The following MGMT variants were observed in gnomAD, a reference collection of about 807,000 sequenced individuals.
MGMT encodes the protein O-6-methylguanine-DNA methyltransferase, also known as methylated-DNA--protein-cysteine methyltransferase.
Under a neutral mutation model 15.9 loss-of-function variants are expected in MGMT, and 14 were observed. The ratio of observed to expected loss-of-function variants is 0.88; its 90% CI spans 0.58 to 1.37. MGMT has a LOEUF of 1.37. Among genes scored for constraint, MGMT ranks in the 40% most tolerant of loss-of-function variants. The pLI is 0.00. For missense variants in MGMT, 282 were observed against 268.1 expected, an observed-to-expected ratio of 1.05 and a Z score of -0.36; for synonymous variants, 130 against 118.2, an observed-to-expected ratio of 1.10 and a Z score of -0.65.
At chr10:129,608,304 G>C (rs532685818) in intron 2 of MGMT, among the ~76,000 whole-genome samples, 1 of 152,378 alleles carries the variant, frequency 6.6e-6, no homozygotes, top group East Asian at 1.9e-4. Flanking sequence ...AGAGGGGTCT[G>C]CTGAAGTTAG....
chr10:129,764,019 G>A (rs995344921), intron 4 of MGMT, among the ~76,000 whole-genome samples: 6 of 152,172 alleles, frequency 3.9e-5, no homozygotes, highest in Non-Finnish European at 8.8e-5. Flanking sequence ...GTGATGTGCC[G>A]GAAGCCAGAG....
At chr10:129,730,088 A>G (rs982060401) in intron 3 of MGMT, among the ~76,000 whole-genome samples, 1 of 152,170 alleles carries the variant, frequency 6.6e-6, no homozygotes, top group Non-Finnish European at 1.5e-5. Flanking sequence ...TCCCTTCTGA[A>G]CACCAGCAAG....
chr10:129,666,691 A>G (rs1434488864), intron 2 of MGMT, among the ~76,000 whole-genome samples: 1 of 152,172 alleles, frequency 6.6e-6, no homozygotes, highest in African/African-American at 2.4e-5. Context: ...AAATAATGAT[A>G]ATTTTGTTTA....
At chr10:129,744,980 T>C (rs1848677444) in intron 3 of MGMT, among the ~76,000 whole-genome samples, 1 of 151,942 alleles carries the variant, frequency 6.6e-6, no homozygotes, top group Non-Finnish European at 1.5e-5. Flanking sequence ...CAGTGCTGAG[T>C]GTTGGGATAG....
rs777351338 is a variant in MGMT, at chr10:129,566,533, G to A, written c.125+30156G>A. ...ACTTCCTCCCCGAGCTTCCCATTCCGTGTCTCTCTGGAGGGCCCATCATCA... is the reference window on the plus strand; with the variant it reads ...ACTTCCTCCCCGAGCTTCCCATTCCATGTCTCTCTGGAGGGCCCATCATCA... On this transcript the variant is annotated intron_variant, in intron 2 of 4. Coordinates refer to ENST00000651593, the MANE Select transcript of MGMT (RefSeq NM_002412.5). This position sits in a 1 kb window ranked among gnomAD's most constrained non-coding sequence, Gnocchi z 4.1. 6.6e-6 allele frequency among the ~76,000 whole-genome samples: 1 copy of A among 152,100 alleles called. No individual in the cohort carries two copies. The highest frequency in any genetic ancestry group is 1.5e-5 in the Non-Finnish European group (1 of 68,014).
intron 3 of MGMT, among the ~76,000 whole-genome samples, chr10:129,718,850 A>G (rs1194357036): frequency 3.4e-5 from 5 of 147,786 alleles, no homozygotes; most frequent in African/African-American, 1.3e-4. Context: ...GGCAGTCTGT[A>G]TGCTTGCTCA....
intron 1 of MGMT, among the ~76,000 whole-genome samples, chr10:129,534,608 C>T (rs940718466): frequency 1.1e-4 from 17 of 151,862 alleles, no homozygotes; most frequent in South Asian, 2.1e-4. Flanking sequence ...GATGAGAGAA[C>T]CAAAGAGTGG....
At chr10:129,591,918 G>C (rs1475490009) in intron 2 of MGMT, among the ~76,000 whole-genome samples, 1 of 152,176 alleles carries the variant, frequency 6.6e-6, no homozygotes. Flanking sequence ...GTGACAGAGC[G>C]AGACTCCGTC....
At chr10:129,478,327 A>C (rs1441705225) in intron 1 of MGMT, among the ~76,000 whole-genome samples, 1 of 152,154 alleles carries the variant, frequency 6.6e-6, no homozygotes, top group Non-Finnish European at 1.5e-5. Context: ...CACCAGCTAC[A>C]TCTCTCAGAA....
At chr10:129,493,322 A>G (rs1845488352) in intron 1 of MGMT, among the ~76,000 whole-genome samples, 1 of 152,136 alleles carries the variant, frequency 6.6e-6, no homozygotes, top group Non-Finnish European at 1.5e-5. Flanking sequence ...TCTGGAGGTC[A>G]TGAGGTGTGC....
At chr10:129,612,854 G>A (rs766411529) in intron 2 of MGMT, among the ~76,000 whole-genome samples, 1 of 152,090 alleles carries the variant, frequency 6.6e-6, no homozygotes, top group African/African-American at 2.4e-5. Context: ...TGCCTCTTCC[G>A]TCCCCCTCGC....
intron 2 of MGMT, among the ~76,000 whole-genome samples, chr10:129,541,724 C>G (rs1846044270): frequency 1.3e-5 from 2 of 152,250 alleles, no homozygotes; most frequent in South Asian, 4.1e-4. Flanking sequence ...ATAGGAAAAG[C>G]TGATAGAGTC....
chr10:129,580,848 C>T (rs1178266359), intron 2 of MGMT, among the ~76,000 whole-genome samples: 1 of 152,230 alleles, frequency 6.6e-6, no homozygotes, highest in Non-Finnish European at 1.5e-5. Context: ...TTGTTGCAAA[C>T]ATCGTTTGTT....
chr10:129,654,629 C>T (rs1847502575), intron 2 of MGMT, among the ~76,000 whole-genome samples: 1 of 152,042 alleles, frequency 6.6e-6, no homozygotes, highest in Admixed American at 6.5e-5. Context: ...GCCTGGAGCA[C>T]AGGGCCTGTA....
chr10:129,577,493 C>T (rs1447233714), intron 2 of MGMT, among the ~76,000 whole-genome samples: 1 of 152,128 alleles, frequency 6.6e-6, no homozygotes. Flanking sequence ...ATGTAGAAAG[C>T]TGAAACTGGA....
At chr10:129,696,720 C>G (rs1848036735) in intron 2 of MGMT, among the ~76,000 whole-genome samples, 1 of 152,204 alleles carries the variant, frequency 6.6e-6, no homozygotes, top group African/African-American at 2.4e-5. Context: ...TGGGTCGGAG[C>G]CGAGGGCTGG....
intron 2 of MGMT, among the ~76,000 whole-genome samples, chr10:129,705,011 A>T (rs542351045): frequency 1.3e-5 from 2 of 152,204 alleles, no homozygotes; most frequent in East Asian, 3.9e-4. Flanking sequence ...TCCCCCAACA[A>T]TGGAAGGCAA....
chr10:129,722,902 A>G (rs1848388801), intron 3 of MGMT, among the ~76,000 whole-genome samples: 1 of 148,072 alleles, frequency 6.8e-6, no homozygotes, highest in Non-Finnish European at 1.5e-5. Context: ...GCTACTCGGG[A>G]GGCTAAGGCA....
intron 2 of MGMT, among the ~76,000 whole-genome samples, chr10:129,667,572 C>G (rs971860963): frequency 6.6e-6 from 1 of 152,128 alleles, no homozygotes; most frequent in Non-Finnish European, 1.5e-5. Context: ...TAATGATGCC[C>G]CTGCCTGTGG....
Sources: allele counts gnomAD v4.1 joint callset (sites outside exome capture counted in the v4.1 genomes callset), GRCh38; gene constraint gnomAD v4.1.1; non-coding constraint Gnocchi (gnomAD v3.1); transcripts MANE v1.5; gene names NCBI Gene and HGNC (gene_info 2026-07-23, HGNC 2026-07-21).